The following LRRTM4 variants were observed in gnomAD, a reference collection of about 807,000 sequenced individuals.
LRRTM4 encodes the protein leucine-rich repeat transmembrane neuronal protein 4.
LRRTM4 carries 25 observed loss-of-function variants against 47.6 expected under a neutral mutation model. That is an observed-to-expected ratio of 0.53 (90% confidence interval 0.38 to 0.73). The LOEUF (loss-of-function observed/expected upper bound fraction) is 0.73. Ranked by LOEUF, LRRTM4 falls within the 30% of genes least tolerant of loss-of-function variation. The pLI is 0.00. For synonymous variants in LRRTM4, 311 were observed against 269.5 expected (o/e 1.15, Z -1.51); for missense variants, 638 against 713.4 (o/e 0.89, Z 1.20).
chr2:76,918,059 T>C (rs1429631019), intron 3 of LRRTM4, among the ~76,000 whole-genome samples: 1 of 152,198 alleles, frequency 6.6e-6, no homozygotes, highest in Non-Finnish European at 1.5e-5. Context: ...CCATTTGATA[T>C]TTTAAGGTAG....
chr2:76,771,758 C>T (rs1038019323), intron 3 of LRRTM4, among the ~76,000 whole-genome samples: 3 of 152,026 alleles, frequency 2.0e-5, no homozygotes, highest in African/African-American at 7.2e-5. Flanking sequence ...TCCTCACATA[C>T]CCAAGGGACT....
At chr2:77,299,527 T>C (rs1489935108) in intron 3 of LRRTM4, among the ~76,000 whole-genome samples, 1 of 152,088 alleles carries the variant, frequency 6.6e-6, no homozygotes, top group Middle Eastern at 3.2e-3. Flanking sequence ...AACTAAATAA[T>C]AGACTCTTCA....
Position 77,354,214 on chromosome 2 carries a change from C to T in LRRTM4, c.1551+164104G>A, listed in dbSNP as rs78730227. Among the ~76,000 whole-genome samples the T allele has an allele frequency of 5.4e-3, 823 of 152,204 alleles. 9 individuals carry two copies. Among genetic ancestry groups the T allele is most frequent in the African/African-American group, 0.019 (785 of 41,524 alleles). On this transcript the variant is annotated intron_variant, in intron 3 of 3. Coordinates refer to ENST00000409884, the MANE Select transcript of LRRTM4 (RefSeq NM_001134745.3). ...TGCTTTTGCCTCTTTCCTGTTTCAG[C>T]TAGTCTTCAATCTGGTCCAAAGTTC... is the stretch of plus-strand genomic sequence containing the variant.
At chr2:76,784,729 A>G (rs1348180798) in intron 3 of LRRTM4, among the ~76,000 whole-genome samples, 1 of 152,032 alleles carries the variant, frequency 6.6e-6, no homozygotes, top group East Asian at 1.9e-4. Context: ...GAACACCTTT[A>G]TAAAATACCG....
Position 77,522,235 on chromosome 2 carries a change from C to A in LRRTM4, c.-274G>T. The A allele has an allele frequency of 1.5e-6, 1 of 663,496 alleles. No individual in the cohort carries two copies. Among genetic ancestry groups the A allele is most frequent in the Non-Finnish European group, 2.8e-6 (1 of 361,568 alleles). 41.1% of individuals were successfully genotyped at this position (663,496 alleles called of 1,614,324 possible). On this transcript the variant is annotated 5_prime_UTR_variant, in exon 1 of 4. Coordinates refer to ENST00000409884, the MANE Select transcript of LRRTM4 (RefSeq NM_001134745.3). ...GACCCCAGTTTAAAAGCTATGCAGG[C>A]TAGGTTTATCCATTTAGCTGGTCAG...
At chr2:77,236,368 T>C (rs1280495944) in intron 3 of LRRTM4, among the ~76,000 whole-genome samples, 3 of 152,150 alleles carry the variant, frequency 2.0e-5, no homozygotes, top group Non-Finnish European at 4.4e-5. Context: ...TGATTGTGTA[T>C]TCTGATACAT....
chr2:77,061,466 A>G (rs1679782166), intron 3 of LRRTM4, among the ~76,000 whole-genome samples: 1 of 152,138 alleles, frequency 6.6e-6, no homozygotes, highest in Admixed American at 6.5e-5. Flanking sequence ...TCAGTGTGAT[A>G]CAGAAGCTTT....
chr2:77,332,924 A>T (rs555230679), intron 3 of LRRTM4, among the ~76,000 whole-genome samples: 1 of 152,220 alleles, frequency 6.6e-6, no homozygotes, highest in East Asian at 1.9e-4. Context: ...CACAATTCCC[A>T]CGTGTCATGG....
intron 3 of LRRTM4, among the ~76,000 whole-genome samples, chr2:77,194,166 CAG>C (rs984128024): frequency 1.3e-5 from 2 of 152,024 alleles, no homozygotes; most frequent in African/African-American, 4.8e-5. Flanking sequence ...AGAGAGGAGC[CAG>C]TCTAAGAAAA....
chr2:77,053,790 C>T (rs532309580), intron 3 of LRRTM4, among the ~76,000 whole-genome samples: 5 of 151,782 alleles, frequency 3.3e-5, no homozygotes, highest in African/African-American at 4.8e-5. Flanking sequence ...AAATTTTGAG[C>T]TAAAAGAGAT....
intron 3 of LRRTM4, among the ~76,000 whole-genome samples, chr2:77,127,404 C>T (rs1671676751): frequency 6.6e-6 from 1 of 152,098 alleles, no homozygotes. Flanking sequence ...AATCAATAAA[C>T]TAGTAAATGA....
Position 77,350,328 on chromosome 2 carries a change from G to A in LRRTM4, c.1551+167990C>T, listed in dbSNP as rs1345735225. On this transcript the variant is annotated intron_variant, in intron 3 of 3. Transcript: ENST00000409884. The stretch of plus-strand genomic sequence containing the variant: ...GGCCTGGGCGACAGAGCAAGACTCC[G>A]TCTCAAAAAAAAAAAAAAAAAAAAA... 1.8e-4 allele frequency among the ~76,000 whole-genome samples: 10 copies of A among 56,516 alleles called. No homozygotes were observed. The Admixed American group carries it at 3.6e-3, about 20-fold the overall frequency. The allele number at this position is 56,516 out of a possible 152,430, so 37.1% of individuals were successfully genotyped here.
chr2:76,964,184 C>T (rs1675949658), intron 3 of LRRTM4, among the ~76,000 whole-genome samples: 1 of 150,874 alleles, frequency 6.6e-6, no homozygotes, highest in Non-Finnish European at 1.5e-5. Context: ...TAGCACTTCA[C>T]TTTAGTTGGA....
At chr2:76,994,389 T>C (rs974387555) in intron 3 of LRRTM4, among the ~76,000 whole-genome samples, 6 of 151,878 alleles carry the variant, frequency 4.0e-5, no homozygotes, top group African/African-American at 1.4e-4. Context: ...TATAACCAAT[T>C]TCATGTGCAA....
At chr2:77,027,977 A>C (rs35772581) in intron 3 of LRRTM4, among the ~76,000 whole-genome samples, 52,968 of 148,394 alleles carry the variant, frequency 0.36, 10,446 homozygotes, top group East Asian at 0.54. Context: ...ATTTGTTTAC[A>C]AATTAAAAAA....
chr2:77,274,201 T>C (rs1374894126), intron 3 of LRRTM4, among the ~76,000 whole-genome samples: 1 of 152,066 alleles, frequency 6.6e-6, no homozygotes, highest in Non-Finnish European at 1.5e-5. Flanking sequence ...GCAAGATATT[T>C]GTTTCATTTA....
At chr2:77,027,098 C>T (rs1390894239) in intron 3 of LRRTM4, among the ~76,000 whole-genome samples, 1 of 152,056 alleles carries the variant, frequency 6.6e-6, no homozygotes, top group Non-Finnish European at 1.5e-5. Context: ...CCCACACCTC[C>T]CCAATGCCCC....
intron 3 of LRRTM4, among the ~76,000 whole-genome samples, chr2:77,491,680 G>A (rs1159518433): frequency 6.6e-6 from 1 of 151,502 alleles, no homozygotes; most frequent in Non-Finnish European, 1.5e-5. Context: ...ATATATTAAC[G>A]ACATTATACC....
rs549915335 is a variant in LRRTM4, at chr2:76,933,018, A to G, written c.1552-184102T>C. The stretch of plus-strand genomic sequence containing the variant: ...TGGTTGAAGTTCACATAGAAAAATC[A>G]TTTGAGAAATCTTAATATTCAATTC... On this transcript the variant is annotated intron_variant, in intron 3 of 3. Transcript: ENST00000409884. Among the ~76,000 whole-genome samples the G allele has an allele frequency of 8.5e-5, 13 of 152,268 alleles. No homozygotes were observed. The East Asian group carries it at 1.7e-3, about 20-fold the overall frequency.
Sources: gnomAD v4.1 joint callset for allele counts (sites outside exome capture counted in the v4.1 genomes callset) on GRCh38, gnomAD v4.1.1 for gene constraint, MANE v1.5 for transcripts, NCBI Gene and HGNC (gene_info 2026-07-23, HGNC 2026-07-21) for gene names.